LIMCH1: variants seen among roughly 807,000 people sequenced by gnomAD.
The protein encoded by LIMCH1 is LIM and calponin homology domains 1, also known as LIM and calponin homology domains-containing protein 1.
In LIMCH1, 113 loss-of-function variants were observed where a neutral mutation model predicts 176.5. The ratio of observed to expected loss-of-function variants is 0.64; its 90% CI spans 0.55 to 0.75. The LOEUF (loss-of-function observed/expected upper bound fraction) is 0.75, where lower values mean the gene tolerates loss of function less well. Ranked by LOEUF, LIMCH1 falls within the 30% of genes least tolerant of loss-of-function variation. The pLI is 0.00. For synonymous variants in LIMCH1, 619 were observed against 645.9 expected, an observed-to-expected ratio of 0.96 and a Z score of 0.63; for missense variants, 1,674 against 1,814.9, an observed-to-expected ratio of 0.92 and a Z score of 1.41.
intron 1 of LIMCH1, among the ~76,000 whole-genome samples, chr4:41,550,139 T>A (rs373291698): frequency 2.7e-4 from 41 of 151,930 alleles, no homozygotes; most frequent in African/African-American, 9.9e-4. Context: ...CTGCCATTTC[T>A]TATGCCCACT....
intron 1 of LIMCH1, among the ~76,000 whole-genome samples, chr4:41,563,710 G>A (rs1446150158): frequency 6.6e-6 from 1 of 152,136 alleles, no homozygotes; most frequent in Non-Finnish European, 1.5e-5. Flanking sequence ...GCTTGTGAAT[G>A]CTTTGCATGA....
At chr4:41,360,779 TGCGGCGGCGACG>T (rs1380650299) in exon 1 of LIMCH1, 118 of 1,321,006 alleles carry the variant, frequency 8.9e-5, no homozygotes, top group Admixed American at 2.2e-4. The surrounding 1 kb of genome is among the most constrained non-coding windows in gnomAD (Gnocchi z 4.5). Context: ...AGCGCGCTCC[TGCGGCGGCGACG>T]GCGGCGGCCG....
intron 18 of LIMCH1, among the ~76,000 whole-genome samples, chr4:41,656,099 T>C (rs1360697297): frequency 6.6e-6 from 1 of 152,244 alleles, no homozygotes; most frequent in Non-Finnish European, 1.5e-5. Flanking sequence ...CTTCATCTGC[T>C]TTTCTCAAAC....
intron 1 of LIMCH1, among the ~76,000 whole-genome samples, chr4:41,538,557 T>G (rs2078214626): frequency 7.0e-6 from 1 of 142,250 alleles, no homozygotes; most frequent in African/African-American, 2.5e-5. Context: ...TAATTAAGCT[T>G]TTTTTTTTTT....
chr4:41,656,968 A>G (rs7659262), intron 18 of LIMCH1, among the ~76,000 whole-genome samples: 17,643 of 152,158 alleles, frequency 0.12, 1,362 homozygotes, highest in Middle Eastern at 0.26. Flanking sequence ...GGGCCAGTCC[A>G]CCACCAAGAT....
rs1164670388 is a variant in LIMCH1 at position 41,538,348 on chromosome 4, G to A, written c.-243G>A. On this transcript the variant is annotated splice_region_variant and 5_prime_UTR_variant, in exon 1 of 32. The change creates a premature stop within an existing upstream ORF in the 5' untranslated region. Coordinates refer to ENST00000503057, the MANE Select transcript of LIMCH1 (RefSeq NM_001330672.2). ...TCATTGCGGAGCATGAGGACGTGTG[G>A]GGGTAAGTAAAATTCATTATAAAAG... 1 of 985,170 alleles carries A rather than the reference G, an allele frequency of 1.0e-6. No homozygotes were observed. Among genetic ancestry groups the A allele is most frequent in the Non-Finnish European group, 1.2e-6 (1 of 829,916 alleles). The allele number at this position is 985,170 out of a possible 1,614,324, so 61.0% of individuals were successfully genotyped here.
intron 14 of LIMCH1, 66 bp downstream of exon 14, chr4:41,639,033 AC>A: frequency 8.3e-7 from 1 of 1,202,032 alleles, no homozygotes; most frequent in South Asian, 1.5e-5. Flanking sequence ...TCCAGTACTT[AC>A]CACTAATTGA....
At chr4:41,616,919 A>G (rs2092146615) in intron 5 of LIMCH1, among the ~76,000 whole-genome samples, 2 of 152,194 alleles carry the variant, frequency 1.3e-5, no homozygotes, top group South Asian at 4.1e-4. Flanking sequence ...ACTTCTTTCA[A>G]CTGAGCTACT....
At chr4:41,627,427 A>G (rs578147658) in intron 8 of LIMCH1, among the ~76,000 whole-genome samples, 1 of 152,330 alleles carries the variant, frequency 6.6e-6, no homozygotes, top group South Asian at 2.1e-4. Flanking sequence ...GGAAGCAGAA[A>G]AACGCTAAAA....
At chr4:41,591,390 C>A (rs1252425167) in intron 1 of LIMCH1, among the ~76,000 whole-genome samples, 4 of 152,032 alleles carry the variant, frequency 2.6e-5, no homozygotes, top group Admixed American at 2.6e-4. Context: ...TACAGGCATG[C>A]TCCACCATGG....
At chr4:41,697,109 C>A in intron 31 of LIMCH1, 51 bp from the exon 32 acceptor site, 1 of 1,603,158 alleles carries the variant, frequency 6.2e-7, no homozygotes, top group Non-Finnish European at 8.5e-7. Context: ...ATGTCTGAAG[C>A]GAGAAATGTT....
chr4:41,454,055 C>G (rs2064220934), intron 1 of LIMCH1, among the ~76,000 whole-genome samples: 1 of 152,074 alleles, frequency 6.6e-6, no homozygotes, highest in South Asian at 2.1e-4. Context: ...TCTGGTCCTC[C>G]CCTCCTACTT....
At chr4:41,484,505 TG>T (rs2069183685) in intron 1 of LIMCH1, among the ~76,000 whole-genome samples, 1 of 152,268 alleles carries the variant, frequency 6.6e-6, no homozygotes, top group Admixed American at 6.5e-5. Context: ...AGATAAATTT[TG>T]TTCTGCTTTA....
rs773757461 is a variant in LIMCH1, at chr4:41,613,691, C to G, written c.205+30C>G. On this transcript the variant is annotated intron_variant, in intron 5 of 31. Transcript: ENST00000503057. ...GTTGGAGTCTTAATAAACTATCCATCTTGAAATTAAACATTTGCAGGGGCT... is the reference window on the plus strand; with the variant it reads ...GTTGGAGTCTTAATAAACTATCCATGTTGAAATTAAACATTTGCAGGGGCT... 6.3e-6 allele frequency: 10 copies of G among 1,589,278 alleles called. No individual in the cohort carries two copies. The African/African-American group carries it at 1.3e-4, about 21-fold the overall frequency.
intron 1 of LIMCH1, among the ~76,000 whole-genome samples, chr4:41,370,188 A>G (rs980309894): frequency 2.6e-5 from 4 of 152,102 alleles, no homozygotes; most frequent in Non-Finnish European, 4.4e-5. Flanking sequence ...ATTCGGCCTT[A>G]GGGCTCTCAC....
chr4:41,570,602 A>C (rs1463157242), intron 1 of LIMCH1, among the ~76,000 whole-genome samples: 1 of 152,202 alleles, frequency 6.6e-6, no homozygotes, highest in Non-Finnish European at 1.5e-5. Flanking sequence ...AGGAAATTAT[A>C]ATTTCCACCA....
intron 2 of LIMCH1, among the ~76,000 whole-genome samples, chr4:41,508,645 A>G (rs2074473055): frequency 1.3e-5 from 2 of 152,196 alleles, no homozygotes; most frequent in African/African-American, 4.8e-5. Flanking sequence ...CCCCTGGGTC[A>G]TGGGTGGGAG....
In LIMCH1 at chr4:41,524,568, G is replaced by A. The variant is rs1583481575; in HGVS notation, c.237+90G>A. ...GCACCATTTATTACAGTTCTCTCCT[G>A]CAATATATATTCCACTTGAATGAGA... On this transcript the variant is annotated intron_variant, in intron 3 of 26. Coordinates refer to the LIMCH1 transcript ENST00000313860. 2.1e-5 allele frequency: 19 copies of A among 926,618 alleles called. No individual in the cohort carries two copies. The East Asian group carries it at 4.1e-4, about 20-fold the overall frequency. 57.4% of individuals were successfully genotyped at this position (926,618 alleles called of 1,614,324 possible).
chr4:41,535,134 CCTGGGTGATGGGAGT>C, upstream of LIMCH1, among the ~76,000 whole-genome samples: 1 of 143,712 alleles, frequency 7.0e-6, no homozygotes, highest in Middle Eastern at 3.6e-3. Context: ...TGGACTCCAG[CCTGGGTGATGGGAGT>C]CGGACCCTGT....
Sources: gnomAD v4.1 joint callset for allele counts (sites outside exome capture counted in the v4.1 genomes callset) on GRCh38, gnomAD v4.1.1 for gene constraint, Gnocchi (gnomAD v3.1) non-coding constraint, MANE v1.5 for transcripts, NCBI Gene and HGNC (gene_info 2026-07-23, HGNC 2026-07-21) for gene names.